The following HYDIN variants were observed in gnomAD, a reference collection of about 807,000 sequenced individuals.
The protein encoded by HYDIN is HYDIN axonemal central pair apparatus protein.
HYDIN carries 132 observed loss-of-function variants against 403.9 expected under a neutral mutation model. The observed-to-expected ratio is 0.33, with a 90% CI of 0.28 to 0.38. The LOEUF is 0.38. Ranked by LOEUF, HYDIN falls within the 10% of genes least tolerant of loss-of-function variation. HYDIN has a pLI of 1.00. For synonymous variants in HYDIN, 1,202 were observed against 1,891.7 expected, an observed-to-expected ratio of 0.64 and a Z score of 9.46; for missense variants, 2,827 against 5,009.5, an observed-to-expected ratio of 0.56 and a Z score of 13.15.
At chr16:70,826,225 T>C (rs1281512095) in intron 83 of HYDIN, among the ~76,000 whole-genome samples, 3 of 123,554 alleles carry the variant, frequency 2.4e-5, no homozygotes, top group Non-Finnish European at 3.3e-5. Context: ...ACATCCTTGC[T>C]GATGCTTGTT....
At chr16:70,925,426 G>T (rs1016460810) in intron 45 of HYDIN, among the ~76,000 whole-genome samples, 6 of 152,272 alleles carry the variant, frequency 3.9e-5, no homozygotes, top group Admixed American at 3.3e-4. Context: ...TTGTCAACTG[G>T]ATCCCTTCCT....
chr16:71,220,023 C>T (rs1471057180), intron 1 of HYDIN, among the ~76,000 whole-genome samples: 2 of 152,102 alleles, frequency 1.3e-5, no homozygotes, highest in Admixed American at 1.3e-4. Flanking sequence ...GCTCTTTAAC[C>T]TTTGTGGTCC....
intron 5 of HYDIN, among the ~76,000 whole-genome samples, chr16:71,165,216 C>G (rs2086165937): frequency 6.6e-6 from 1 of 151,180 alleles, no homozygotes; most frequent in Admixed American, 6.5e-5. Flanking sequence ...TCTGGTGCCC[C>G]CATCGTTTCT....
chr16:71,199,421 T>A (rs1161497998), intron 1 of HYDIN, among the ~76,000 whole-genome samples: 1 of 152,132 alleles, frequency 6.6e-6, no homozygotes, highest in Admixed American at 6.5e-5. Flanking sequence ...TGGTCATCAA[T>A]CCCTGTTGCA....
At chr16:71,033,584 A>T (rs571140490) in intron 18 of HYDIN, among the ~76,000 whole-genome samples, 3 of 151,576 alleles carry the variant, frequency 2.0e-5, no homozygotes, top group Non-Finnish European at 4.4e-5. Context: ...AACAATGAGA[A>T]CACATGGACA....
At chr16:71,059,621 G>A (rs2082016252) in intron 18 of HYDIN, among the ~76,000 whole-genome samples, 3 of 151,944 alleles carry the variant, frequency 2.0e-5, no homozygotes, top group African/African-American at 7.3e-5. Context: ...AGACACTGGG[G>A]CCTACTTGAG....
At chr16:71,028,162 A>G (rs2080779959) in intron 19 of HYDIN, among the ~76,000 whole-genome samples, 1 of 151,696 alleles carries the variant, frequency 6.6e-6, no homozygotes, top group African/African-American at 2.4e-5. Context: ...AAGCAATCCC[A>G]TTTAGAAAAA....
At chr16:70,976,169 AAGTCCTC>A (rs2078881119) in intron 30 of HYDIN, among the ~76,000 whole-genome samples, 1 of 152,268 alleles carries the variant, frequency 6.6e-6, no homozygotes, top group Non-Finnish European at 1.5e-5. Context: ...TGATGGTGTC[AAGTCCTC>A]TTACTTGAGA....
intron 14 of HYDIN, among the ~76,000 whole-genome samples, chr16:71,068,591 G>GCAA (rs1458098070): frequency 2.0e-5 from 3 of 151,284 alleles, no homozygotes; most frequent in African/African-American, 7.3e-5. Flanking sequence ...TATCTGGGAA[G>GCAA]CAACAACAAC....
At chr16:71,051,739 T>C (rs2081656650) in intron 18 of HYDIN, among the ~76,000 whole-genome samples, 1 of 152,092 alleles carries the variant, frequency 6.6e-6, no homozygotes, top group Middle Eastern at 3.2e-3. Context: ...ACCTCTACTA[T>C]TCAGCATTGC....
intron 1 of HYDIN, among the ~76,000 whole-genome samples, chr16:71,217,124 T>C (rs1418359204): frequency 2.0e-5 from 3 of 152,234 alleles, no homozygotes; most frequent in Admixed American, 2.0e-4. Flanking sequence ...TAATTTAACC[T>C]ACATAAAATT....
intron 19 of HYDIN, among the ~76,000 whole-genome samples, chr16:71,031,092 T>G (rs897958586): frequency 1.4e-5 from 2 of 146,342 alleles, no homozygotes; most frequent in Non-Finnish European, 3.0e-5. Context: ...CCCAGCTACT[T>G]GGGAGGCTGA....
chr16:71,112,869 C>T (rs2083885039), intron 10 of HYDIN, among the ~76,000 whole-genome samples: 1 of 151,832 alleles, frequency 6.6e-6, no homozygotes, highest in South Asian at 2.1e-4. Flanking sequence ...GTTGATGGAA[C>T]AAAAAATACA....
At chr16:70,947,251 G>T (rs762093073) in intron 41 of HYDIN, among the ~76,000 whole-genome samples, 10 of 144,508 alleles carry the variant, frequency 6.9e-5, no homozygotes, top group African/African-American at 2.1e-4. Flanking sequence ...TAGCATGAAG[G>T]GTTGTTGAAT....
Position 70,943,813 on chromosome 16 carries a change from T to C in HYDIN, c.6668A>G (p.Gln2223Arg). ...LLVQILAERI[Q>R]LSDCYRGVVF... ...TCTGTGCAGGTGGCATGGACCCACC[T>C]GTATCCGCTCTGCCAGGATCTGCAC... Residue 2223 changes from glutamine to arginine, a missense_variant and splice_region_variant, in exon 42 of 86, where the codon CAG becomes CGG. Coordinates refer to ENST00000393567, the MANE Select transcript of HYDIN (RefSeq NM_001270974.2). The C allele has an allele frequency of 1.2e-6, 2 of 1,612,004 alleles. No individual in the cohort carries two copies. The highest frequency in any genetic ancestry group is 1.7e-5 in the Admixed American group (1 of 60,028).
chr16:71,186,662 G>C, intron 2 of HYDIN, 99 bp downstream of exon 2: 1 of 908,836 alleles, frequency 1.1e-6, no homozygotes, highest in Non-Finnish European at 1.7e-6. Flanking sequence ...TAATCAGTCA[G>C]TAATTCTGTT....
At position 71,041,929 on chromosome 16, in the gene HYDIN, T is replaced by G. The variant is rs538349425; in HGVS notation, c.2530-10012A>C. 5.9e-5 allele frequency among the ~76,000 whole-genome samples: 9 copies of G among 152,284 alleles called. No homozygotes were observed. The South Asian group carries it at 1.7e-3, about 28-fold the overall frequency. On this transcript the variant is annotated intron_variant, in intron 18 of 85. Coordinates refer to ENST00000393567, the MANE Select transcript of HYDIN (RefSeq NM_001270974.2). Reference sequence around the variant, plus strand: ...CATTCCCACTTTGTTTCTTAGAAGCTTTTAAAAAAATAAATAATACATGTA... The same window carrying G: ...CATTCCCACTTTGTTTCTTAGAAGCGTTTAAAAAAATAAATAATACATGTA...
chr16:71,049,236 G>A (rs2081554947), intron 18 of HYDIN, among the ~76,000 whole-genome samples: 1 of 152,240 alleles, frequency 6.6e-6, no homozygotes, highest in South Asian at 2.1e-4. Context: ...AGCAAGGAAT[G>A]AGGCCTAATG....
chr16:71,174,858 T>C (rs922166954), intron 5 of HYDIN, among the ~76,000 whole-genome samples: 2 of 152,176 alleles, frequency 1.3e-5, no homozygotes, highest in Admixed American at 1.3e-4. Context: ...AGCTCTAGCT[T>C]TACCATTACT....
Sources: allele counts gnomAD v4.1 joint callset (sites outside exome capture counted in the v4.1 genomes callset), GRCh38; gene constraint gnomAD v4.1.1; transcripts MANE v1.5; gene names NCBI Gene and HGNC (gene_info 2026-07-23, HGNC 2026-07-21).